Variants in RAD9B observed in about 807,000 individuals in gnomAD.
RAD9B encodes the protein cell cycle checkpoint control protein RAD9B.
Under a neutral mutation model 48.3 loss-of-function variants are expected in RAD9B, and 41 were observed. The ratio of observed to expected loss-of-function variants is 0.85; its 90% CI spans 0.66 to 1.10. The LOEUF (loss-of-function observed/expected upper bound fraction) is 1.10, where lower values mean the gene tolerates loss of function less well. RAD9B is among the 50% of genes least tolerant of loss of function. The probability of loss-of-function intolerance (pLI) is 0.00; values close to 1 mark genes in which losing one functional copy is unlikely to be tolerated. For missense variants in RAD9B, 444 were observed against 485.1 expected, an observed-to-expected ratio of 0.92 and a Z score of 0.80; for synonymous variants, 160 against 157.9, an observed-to-expected ratio of 1.01 and a Z score of -0.10.
At chr12:110,528,537 C>T (rs1352572381) in intron 10 of RAD9B, among the ~76,000 whole-genome samples, 2 of 152,170 alleles carry the variant, frequency 1.3e-5, no homozygotes, top group Admixed American at 1.3e-4. Context: ...TTAAGTAACC[C>T]AAGTTCAGAG....
chr12:110,507,307 G>A (rs1044015355), intron 4 of RAD9B, among the ~76,000 whole-genome samples: 3 of 146,266 alleles, frequency 2.1e-5, no homozygotes, highest in Non-Finnish European at 4.5e-5. Flanking sequence ...GCAATTGGTT[G>A]TTCTAAAATT....
chr12:110,519,717 TTAAG>T (rs2063717052), intron 8 of RAD9B, 73 bp from the exon 9 acceptor site: 4 of 1,481,628 alleles, frequency 2.7e-6, no homozygotes, highest in African/African-American at 1.4e-5. Flanking sequence ...TAGTCCAGAA[TTAAG>T]TATCATTTCT....
At position 110,518,692 on chromosome 12, in the gene RAD9B, A is replaced by G. The variant is rs1484964792; in HGVS notation, c.612A>G (p.Val204=). The G allele has an allele frequency of 1.2e-6, 2 of 1,604,650 alleles. No individual in the cohort carries two copies. Among genetic ancestry groups the G allele is most frequent in the African/African-American group, 2.7e-5 (2 of 74,702 alleles). Residue 204 remains valine, a synonymous_variant, in exon 7 of 11, where the codon GTA becomes GTG. Transcript: ENST00000409300. ...ATTAAACAGATTTGAGCAATGCTGT[A>G]CACAGTGAGATGTTTGTTGGCTCAG... ...NEESMDLSNA[V]HSEMFVGSDE... is the part of the protein sequence containing the mutation.
At chr12:110,509,777 C>T (rs1212172479) in intron 4 of RAD9B, among the ~76,000 whole-genome samples, 1 of 152,128 alleles carries the variant, frequency 6.6e-6, no homozygotes, top group Non-Finnish European at 1.5e-5. Flanking sequence ...GGTATAAACA[C>T]ACTTATATAT....
intron 10 of RAD9B, among the ~76,000 whole-genome samples, chr12:110,524,344 C>T (rs1313438926): frequency 2.0e-5 from 3 of 152,102 alleles, no homozygotes; most frequent in Admixed American, 6.5e-5. Flanking sequence ...GGGCAGATCA[C>T]GAGGTCAGGA....
chr12:110,509,750 C>G lies in RAD9B; in HGVS notation c.389-3029C>G, dbSNP rs537306952. ...CAGCAATACCAATATTCACTTGATT[C>G]AAATATTTGTTATACAGGTATAAAC... On this transcript the variant is annotated intron_variant, in intron 4 of 10. Coordinates refer to ENST00000409300, the MANE Select transcript of RAD9B (RefSeq NM_001286535.2). Among the ~76,000 whole-genome samples the G allele has an allele frequency of 2.0e-5, 3 of 152,140 alleles. No homozygotes were observed. In the South Asian group the frequency reaches 6.2e-4, roughly 32 times the overall value.
chr12:110,521,555 C>CT (rs577675171), intron 9 of RAD9B, among the ~76,000 whole-genome samples: 2,133 of 126,602 alleles, frequency 0.017, 44 homozygotes, highest in Middle Eastern at 0.047. Flanking sequence ...AAACATAATT[C>CT]TTTTTTTTTT....
intron 4 of RAD9B, among the ~76,000 whole-genome samples, chr12:110,512,408 C>CA (rs1340714859): frequency 1.3e-5 from 2 of 152,052 alleles, no homozygotes; most frequent in Non-Finnish European, 2.9e-5. Flanking sequence ...CTTGGCCTCC[C>CA]AAAGTGCTGG....
At chr12:110,515,586 G>A (rs903984782) in intron 6 of RAD9B, among the ~76,000 whole-genome samples, 1 of 152,136 alleles carries the variant, frequency 6.6e-6, no homozygotes, top group Non-Finnish European at 1.5e-5. Context: ...GCTTGAACCC[G>A]GGAGGTGGAG....
chr12:110,512,144 C>CA (rs1362895733), intron 4 of RAD9B, among the ~76,000 whole-genome samples: 1 of 141,078 alleles, frequency 7.1e-6, no homozygotes, highest in Non-Finnish European at 1.6e-5. Context: ...CGTGCCTGGC[C>CA]TTTTTTTTTT....
intron 4 of RAD9B, among the ~76,000 whole-genome samples, chr12:110,512,144 C>CTT (rs777973965): frequency 6.4e-5 from 9 of 141,074 alleles, no homozygotes; most frequent in Non-Finnish European, 6.2e-5. Context: ...CGTGCCTGGC[C>CTT]TTTTTTTTTT....
Position 110,532,495 on chromosome 12 carries a change from C to T in RAD9B, c.*1842C>T, listed in dbSNP as rs964429221. On this transcript the variant is annotated 3_prime_UTR_variant, in exon 11 of 11. Transcript: ENST00000409300. ...CCCAGGTGGGCGGATCAGTTGAGCC[C>T]AGCAGTTCAAGACTAGCCTGGGCAA... Among the ~76,000 whole-genome samples the T allele has an allele frequency of 2.6e-5, 4 of 152,214 alleles. No individual in the cohort carries two copies. In the East Asian group the frequency reaches 5.8e-4, roughly 22 times the overall value.
At chr12:110,529,260 C>G (rs2064047747) in intron 10 of RAD9B, among the ~76,000 whole-genome samples, 1 of 152,134 alleles carries the variant, frequency 6.6e-6, no homozygotes, top group South Asian at 2.1e-4. Flanking sequence ...TCTCCTGCCC[C>G]AGCCTCCCTA....
At chr12:110,503,731 G>T in intron 1 of RAD9B, 75 bp from the exon 2 acceptor site, 1 of 1,025,954 alleles carries the variant, frequency 9.7e-7, no homozygotes, top group African/African-American at 1.6e-5. Flanking sequence ...TCCTCTGAAT[G>T]CTGAACTAGT....
At chr12:110,517,751 G>GACACACACACACAC (rs34935245) in intron 6 of RAD9B, among the ~76,000 whole-genome samples, 1 of 141,418 alleles carries the variant, frequency 7.1e-6, no homozygotes, top group African/African-American at 2.6e-5. Context: ...ACAAAACATT[G>GACACACACACACAC]ACACACACAC....
chr12:110,518,629 A>G (rs1218397583), intron 6 of RAD9B, 47 bp from the exon 7 acceptor site: 3 of 1,367,406 alleles, frequency 2.2e-6, no homozygotes, highest in South Asian at 1.3e-5. Flanking sequence ...CTCTAAATTC[A>G]TCTCTGGAAC....
At chr12:110,521,402 C>A (rs573617594) in intron 9 of RAD9B, among the ~76,000 whole-genome samples, 16 of 152,076 alleles carry the variant, frequency 1.1e-4, no homozygotes, top group Non-Finnish European at 1.6e-4. Flanking sequence ...AGTCTACCTG[C>A]CTCGGCCTCC....
At chr12:110,519,981 T>C in intron 9 of RAD9B, 65 bp downstream of exon 9, 2 of 1,493,892 alleles carry the variant, frequency 1.3e-6, no homozygotes, top group Non-Finnish European at 1.8e-6. Context: ...TTTGAAATAA[T>C]TCACTTGCAT....
intron 10 of RAD9B, among the ~76,000 whole-genome samples, chr12:110,529,607 G>A (rs564471606): frequency 6.6e-6 from 1 of 151,764 alleles, no homozygotes; most frequent in African/African-American, 2.4e-5. Context: ...AAAAAAGGCT[G>A]CGCATGGTTG....
Sources: gnomAD v4.1 joint callset for allele counts (sites outside exome capture counted in the v4.1 genomes callset) on GRCh38, gnomAD v4.1.1 for gene constraint, MANE v1.5 for transcripts, NCBI Gene and HGNC (gene_info 2026-07-23, HGNC 2026-07-21) for gene names.